GRIK1: variants seen among roughly 807,000 people sequenced by gnomAD.
GRIK1 encodes glutamate receptor ionotropic, kainate 1.
A neutral mutation model predicts 105.7 loss-of-function variants in GRIK1; 69 were observed. The observed-to-expected ratio is 0.65, with a 90% CI of 0.54 to 0.80. The LOEUF is 0.80. Ranked by LOEUF, GRIK1 falls within the 30% of genes least tolerant of loss-of-function variation. The probability of loss-of-function intolerance (pLI) is 0.00; values close to 1 mark genes in which losing one functional copy is unlikely to be tolerated. For synonymous variants in GRIK1, 438 were observed against 431.3 expected (o/e 1.02, Z -0.19); for missense variants, 1,109 against 1,167.3 (o/e 0.95, Z 0.73).
chr21:29,755,736 A>G (rs1434233291), intron 1 of GRIK1, among the ~76,000 whole-genome samples: 15 of 152,196 alleles, frequency 9.9e-5, no homozygotes, highest in Admixed American at 9.8e-4. Flanking sequence ...GGAAGAGCTT[A>G]GGGCAAGGAA....
chr21:29,555,258 G>A lies in GRIK1; in HGVS notation c.2401C>T (p.Gln801Ter), dbSNP rs1428388948. The A allele has an allele frequency of 6.2e-7, 1 of 1,612,854 alleles. No homozygotes were observed. The highest frequency in any genetic ancestry group is 8.5e-7 in the Non-Finnish European group (1 of 1,179,074). ...DKITIAILQL[Q>*]EEGKLHMMKE... is the part of the protein sequence containing the mutation. ...ATCATATGCAGCTTCCCTTCTTCTT[G>A]GAGTTGAAGAATAGCAATAGTAATT... Residue 801 changes from glutamine (Q) to a stop codon, truncating the protein, a stop_gained, in exon 16 of 18, where the codon CAA becomes TAA. Transcript: ENST00000327783. LOFTEE classifies it high-confidence loss of function.
intron 1 of GRIK1, among the ~76,000 whole-genome samples, chr21:29,831,571 A>G (rs2067641983): frequency 6.6e-6 from 1 of 152,178 alleles, no homozygotes; most frequent in African/African-American, 2.4e-5. Context: ...TTACATGGCC[A>G]GAAGAGAAGG....
chr21:29,797,281 G>A lies in GRIK1; in HGVS notation c.119-103218C>T, dbSNP rs117127861. 7.0e-3 allele frequency among the ~76,000 whole-genome samples: 1,060 copies of A among 152,284 alleles called. 4 individuals carry two copies. The highest frequency in any genetic ancestry group is 0.011 in the Non-Finnish European group (749 of 68,018). On this transcript the variant is annotated intron_variant, in intron 1 of 17. Coordinates refer to ENST00000327783, the MANE Select transcript of GRIK1 (RefSeq NM_001330994.2). ...TGGGAGGAAGGTCTGAGGAAGCCAC[G>A]CAGAAAGCATCAGTGGCCAGAGAAT... is the stretch of plus-strand genomic sequence containing the variant.
intron 1 of GRIK1, among the ~76,000 whole-genome samples, chr21:29,783,729 A>G (rs1392403114): frequency 6.6e-6 from 1 of 152,206 alleles, no homozygotes; most frequent in Non-Finnish European, 1.5e-5. Flanking sequence ...ACTTAGGTCC[A>G]TTAAAAAATT....
intron 1 of GRIK1, among the ~76,000 whole-genome samples, chr21:29,852,012 C>A (rs1275883545): frequency 6.6e-6 from 1 of 152,162 alleles, no homozygotes; most frequent in Non-Finnish European, 1.5e-5. Context: ...TTTCTTACCT[C>A]TATGGAAAAA....
intron 16 of GRIK1, among the ~76,000 whole-genome samples, chr21:29,548,974 A>C (rs879841366): frequency 2.0e-5 from 3 of 152,182 alleles, no homozygotes; most frequent in Non-Finnish European, 4.4e-5. Context: ...CTTATTAGGA[A>C]ACAAATTGGA....
At chr21:29,886,718 T>C (rs2069643143) in intron 1 of GRIK1, among the ~76,000 whole-genome samples, 1 of 152,180 alleles carries the variant, frequency 6.6e-6, no homozygotes, top group Non-Finnish European at 1.5e-5. Context: ...GCTTATTATA[T>C]CCTTTCTTAT....
chr21:29,935,985 T>C (rs1005443542), intron 1 of GRIK1, among the ~76,000 whole-genome samples: 1 of 152,236 alleles, frequency 6.6e-6, no homozygotes, highest in Admixed American at 6.5e-5. Context: ...ATCCAGATAT[T>C]ACTCAAAGCC....
At chr21:29,833,138 C>T (rs148324346) in intron 1 of GRIK1, among the ~76,000 whole-genome samples, 40 of 152,352 alleles carry the variant, frequency 2.6e-4, no homozygotes, top group African/African-American at 8.9e-4. Context: ...CTTTGCTTTA[C>T]TTCCTGATAA....
intron 1 of GRIK1, among the ~76,000 whole-genome samples, chr21:29,849,345 A>T (rs1242825373): frequency 6.6e-6 from 1 of 152,224 alleles, no homozygotes; most frequent in Admixed American, 6.5e-5. Flanking sequence ...TTGCCAGGAC[A>T]TCACAGATGG....
At chr21:29,753,677 A>G (rs572027421) in intron 1 of GRIK1, among the ~76,000 whole-genome samples, 26 of 152,348 alleles carry the variant, frequency 1.7e-4, no homozygotes, top group African/African-American at 6.0e-4. Flanking sequence ...CTGGCAGGCT[A>G]TTTTTAAAAG....
intron 1 of GRIK1, among the ~76,000 whole-genome samples, chr21:29,707,679 G>C (rs536850922): frequency 1.3e-4 from 20 of 151,882 alleles, no homozygotes; most frequent in African/African-American, 4.8e-4. Flanking sequence ...ATTTTTAGTA[G>C]AGACAGGGTT....
intron 1 of GRIK1, among the ~76,000 whole-genome samples, chr21:29,773,261 T>C (rs1200667066): frequency 6.6e-6 from 1 of 152,188 alleles, no homozygotes; most frequent in Non-Finnish European, 1.5e-5. Context: ...AGAAGATAAA[T>C]GCACAGGACA....
chr21:29,601,621 C>A (rs2061520629), intron 7 of GRIK1, among the ~76,000 whole-genome samples: 1 of 152,226 alleles, frequency 6.6e-6, no homozygotes, highest in African/African-American at 2.4e-5. Context: ...CATCTCCTAT[C>A]CAGCCTTCAA....
chr21:29,848,796 C>T (rs1298818680), intron 1 of GRIK1, among the ~76,000 whole-genome samples: 3 of 56,016 alleles, frequency 5.4e-5, no homozygotes, highest in East Asian at 1.1e-3. Flanking sequence ...TTTTTTTCCA[C>T]GATCTTCACC....
At chr21:29,849,711 T>C (rs7277881) in intron 1 of GRIK1, among the ~76,000 whole-genome samples, 2,218 of 152,338 alleles carry the variant, frequency 0.015, 58 homozygotes, top group African/African-American at 0.05. Flanking sequence ...TTACCTCTAA[T>C]GAGAGAGTGT....
chr21:29,553,732 A>T (rs2090180639), intron 16 of GRIK1: 1 of 1,448,158 alleles, frequency 6.9e-7, no homozygotes, highest in African/African-American at 1.4e-5. Flanking sequence ...TGAGAAAAAA[A>T]TATAGAAAAA....
At chr21:29,907,983 G>T (rs427628) in intron 1 of GRIK1, among the ~76,000 whole-genome samples, 33,495 of 151,832 alleles carry the variant, frequency 0.22, 4,209 homozygotes, top group African/African-American at 0.34. Context: ...ATATCTCTCA[G>T]GGATGTAGAA....
At chr21:29,748,599 G>A (rs1423023016) in intron 1 of GRIK1, among the ~76,000 whole-genome samples, 1 of 152,196 alleles carries the variant, frequency 6.6e-6, no homozygotes, top group Non-Finnish European at 1.5e-5. Context: ...AGGCAGAATA[G>A]TATAAGCATT....
Sources: allele counts gnomAD v4.1 joint callset (sites outside exome capture counted in the v4.1 genomes callset), GRCh38; gene constraint gnomAD v4.1.1; transcripts MANE v1.5; gene names NCBI Gene and HGNC (gene_info 2026-07-23, HGNC 2026-07-21).